The following RTN4RL1 variants were observed in gnomAD, a reference collection of about 807,000 sequenced individuals.
The protein encoded by RTN4RL1 is reticulon-4 receptor-like 1.
RTN4RL1 carries 7 observed loss-of-function variants against 25.6 expected under a neutral mutation model. The observed-to-expected ratio is 0.27, with a 90% confidence interval of 0.16 to 0.51. RTN4RL1 has a LOEUF of 0.51. Ranked by LOEUF, RTN4RL1 falls within the 20% of genes least tolerant of loss-of-function variation. The probability of loss-of-function intolerance (pLI) is 0.97; values close to 1 mark genes in which losing one functional copy is unlikely to be tolerated. For synonymous variants in RTN4RL1, 297 were observed against 288.2 expected (o/e 1.03, Z -0.31); for missense variants, 500 against 615.6 (o/e 0.81, Z 1.99).
At chr17:1,951,092 C>G (rs191169366) in intron 1 of RTN4RL1, among the ~76,000 whole-genome samples, 87 of 151,502 alleles carry the variant, frequency 5.7e-4, no homozygotes, top group African/African-American at 2.0e-3. Context: ...GGTGAAACCC[C>G]ATCTCTACTA....
chr17:1,998,908 A>G lies in RTN4RL1; in HGVS notation c.13+25945T>C, dbSNP rs1449899586. 1.3e-5 allele frequency among the ~76,000 whole-genome samples: 2 copies of G among 151,880 alleles called. No homozygotes were observed. Among genetic ancestry groups the G allele is most frequent in the African/African-American group, 2.4e-5 (1 of 41,174 alleles). ...TCTACGCGCTCATCCCACGCGCAGA[A>G]CAGACACAGGCCCTGCCCTCACCGA... On this transcript the variant is annotated intron_variant, in intron 1 of 1. Coordinates refer to ENST00000331238, the MANE Select transcript of RTN4RL1 (RefSeq NM_178568.4). The surrounding 1 kb of genome is among the most constrained non-coding windows in gnomAD (Gnocchi z 4.9).
intron 1 of RTN4RL1, among the ~76,000 whole-genome samples, chr17:1,948,139 C>A (rs1915596964): frequency 6.6e-6 from 1 of 152,206 alleles, no homozygotes; most frequent in Admixed American, 6.5e-5. Flanking sequence ...GGGGCTTTAG[C>A]CCAGGGCTGA....
intron 1 of RTN4RL1, among the ~76,000 whole-genome samples, chr17:1,999,004 C>T (rs2066943253): frequency 6.6e-6 from 1 of 152,060 alleles, no homozygotes; most frequent in African/African-American, 2.4e-5. Flanking sequence ...CTCTCACACA[C>T]AGGGCGGGGA....
intron 1 of RTN4RL1, among the ~76,000 whole-genome samples, chr17:2,012,327 T>C (rs1278203755): frequency 6.6e-6 from 1 of 152,244 alleles, no homozygotes; most frequent in Admixed American, 6.5e-5. Context: ...CCTGCTGGCT[T>C]CCTGGAGCCA....
intron 1 of RTN4RL1, among the ~76,000 whole-genome samples, chr17:2,005,375 C>T (rs547559679): frequency 8.3e-4 from 127 of 152,208 alleles, no homozygotes; most frequent in African/African-American, 3.0e-3. Context: ...GTTATTAGGC[C>T]CATTTTACAG....
At chr17:1,939,718 T>C (rs945987312) in intron 1 of RTN4RL1, among the ~76,000 whole-genome samples, 4 of 152,246 alleles carry the variant, frequency 2.6e-5, no homozygotes, top group African/African-American at 7.2e-5. Context: ...GTGCTCATTA[T>C]TGGAGCACCC....
In RTN4RL1 at chr17:1,936,719, G is replaced by A. The variant is rs527297405; in HGVS notation, c.1103C>T (p.Ala368Val). Residue 368 changes from alanine to valine, a missense_variant, in exon 2 of 2, where the codon GCG becomes GTG. Ala to Val is a moderately conservative substitution (Grantham distance 64). This residue lies in a region of RTN4RL1 where 268 missense variants were observed against 274.5 expected (regional missense o/e 0.98). Transcript: ENST00000331238. ...NPRNRNQISK[A>V]GAGKQAPELP... The stretch of plus-strand genomic sequence containing the variant: ...CTCGGGGGCCTGTTTCCCGGCGCCC[G>A]CCTTAGAGATCTGATTGCGGTTCCT... 127 of 1,588,664 alleles carry A rather than the reference G, an allele frequency of 8.0e-5. No homozygotes were observed. The highest frequency in any genetic ancestry group is 1.8e-4 in the South Asian group (16 of 86,696).
chr17:1,985,879 C>T (rs918665664), intron 1 of RTN4RL1, among the ~76,000 whole-genome samples: 4 of 152,208 alleles, frequency 2.6e-5, no homozygotes, highest in Non-Finnish European at 5.9e-5. Context: ...GTTCCCAGGC[C>T]GGCCTCCAGA....
At chr17:1,989,918 C>T (rs573156429) in intron 1 of RTN4RL1, among the ~76,000 whole-genome samples, 27 of 151,314 alleles carry the variant, frequency 1.8e-4, no homozygotes, top group South Asian at 1.7e-3. Flanking sequence ...CCTAGGAGTT[C>T]GAGACCAGCC....
At chr17:2,014,707 C>T (rs966721251) in intron 1 of RTN4RL1, among the ~76,000 whole-genome samples, 14 of 152,080 alleles carry the variant, frequency 9.2e-5, no homozygotes, top group Non-Finnish European at 1.9e-4. Context: ...TGGTGTGCAC[C>T]TGTAATCCCA....
chr17:1,951,600 G>A (rs999064230), intron 1 of RTN4RL1, among the ~76,000 whole-genome samples: 37 of 151,986 alleles, frequency 2.4e-4, no homozygotes, highest in Non-Finnish European at 1.8e-4. Flanking sequence ...ACAGGCACAC[G>A]CCACCACACC....
At chr17:1,986,128 G>A (rs2066886409) in intron 1 of RTN4RL1, among the ~76,000 whole-genome samples, 1 of 152,084 alleles carries the variant, frequency 6.6e-6, no homozygotes, top group Non-Finnish European at 1.5e-5. Flanking sequence ...GCCATCTCCA[G>A]AAGGTCACAG....
Position 2,024,963 on chromosome 17 carries a change from G to C in RTN4RL1, c.-98C>G. The C allele has an allele frequency of 7.5e-7, 1 of 1,336,600 alleles. No individual in the cohort carries two copies. The allele number at this position is 1,336,600 out of a possible 1,614,324, so 82.8% of individuals were successfully genotyped here. A position where few individuals can be genotyped will look rare whatever the true frequency, so the allele number is the denominator to read the frequency against. On this transcript the variant is annotated 5_prime_UTR_variant, in exon 1 of 2. Coordinates refer to ENST00000331238, the MANE Select transcript of RTN4RL1 (RefSeq NM_178568.4). The stretch of plus-strand genomic sequence containing the variant: ...GGCGCCAGCTGCAGCTAATCCGAGC[G>C]CGTCGAGGCGGGGGCAAGCCGGGGA...
chr17:1,943,662 G>A (rs562946274), intron 1 of RTN4RL1, among the ~76,000 whole-genome samples: 23 of 152,340 alleles, frequency 1.5e-4, no homozygotes, highest in Non-Finnish European at 2.6e-4. Flanking sequence ...TGGGGCTGCT[G>A]GCGCCTTAGG....
chr17:1,947,979 C>T (rs992914226), intron 1 of RTN4RL1, among the ~76,000 whole-genome samples: 21 of 152,192 alleles, frequency 1.4e-4, no homozygotes, highest in African/African-American at 4.8e-4. Context: ...GTGATGATTA[C>T]GTTACTGCTA....
At chr17:1,970,083 G>C (rs527899829) in intron 1 of RTN4RL1, among the ~76,000 whole-genome samples, 2 of 149,642 alleles carry the variant, frequency 1.3e-5, no homozygotes, top group African/African-American at 2.5e-5. Context: ...GTGCAATGGC[G>C]CAATCTCAAT....
At chr17:1,938,632 G>A (rs1915366224) in intron 1 of RTN4RL1, among the ~76,000 whole-genome samples, 1 of 151,738 alleles carries the variant, frequency 6.6e-6, no homozygotes, top group Admixed American at 6.6e-5. Context: ...CCAATTACAA[G>A]CACAGCATGC....
At chr17:1,943,559 G>A (rs1412476955) in intron 1 of RTN4RL1, among the ~76,000 whole-genome samples, 1 of 152,202 alleles carries the variant, frequency 6.6e-6, no homozygotes, top group Non-Finnish European at 1.5e-5. Flanking sequence ...CCCAGTCCTG[G>A]CAGATTGGCA....
rs545033426 is a variant in RTN4RL1, at chr17:1,984,824, G to A, written c.13+40029C>T. ...TCTACTAAAAATACAAAAATTAGCCGGGCGTGGTAGCACACACCTGTAATC... is the reference window on the plus strand; with the variant it reads ...TCTACTAAAAATACAAAAATTAGCCAGGCGTGGTAGCACACACCTGTAATC... On this transcript the variant is annotated intron_variant, in intron 1 of 1. Transcript: ENST00000331238. Among the ~76,000 whole-genome samples, 5 of 152,174 alleles carry A rather than the reference G, an allele frequency of 3.3e-5. No homozygotes were observed. The South Asian group carries it at 1.0e-3, about 32-fold the overall frequency.
Sources: allele counts gnomAD v4.1 joint callset (sites outside exome capture counted in the v4.1 genomes callset), GRCh38; gene constraint gnomAD v4.1.1; regional missense constraint gnomAD v4.1.1; non-coding constraint Gnocchi (gnomAD v3.1); transcripts MANE v1.5; gene names NCBI Gene and HGNC (gene_info 2026-07-23, HGNC 2026-07-21).